The following DOK6 variants were observed in gnomAD, a reference collection of about 807,000 sequenced individuals.
DOK6 encodes the protein downstream of tyrosine kinase 6.
A neutral mutation model predicts 44.0 loss-of-function variants in DOK6; 22 were observed. That is an observed-to-expected ratio of 0.50 (90% CI 0.36 to 0.71). The LOEUF (loss-of-function observed/expected upper bound fraction) is 0.71. Ranked by LOEUF, DOK6 falls within the 30% of genes least tolerant of loss-of-function variation. The pLI is 0.00. For synonymous variants in DOK6, 166 were observed against 145.5 expected (o/e 1.14, Z -1.01); for missense variants, 340 against 416.4 (o/e 0.82, Z 1.60).
intron 1 of DOK6, among the ~76,000 whole-genome samples, chr18:69,549,051 G>C (rs568045689): frequency 6.7e-6 from 1 of 149,388 alleles, no homozygotes; most frequent in Non-Finnish European, 1.5e-5. Flanking sequence ...AGCCAAGATC[G>C]CGCCACTGCA....
intron 5 of DOK6, among the ~76,000 whole-genome samples, chr18:69,738,295 A>T (rs1045903717): frequency 6.6e-6 from 1 of 152,184 alleles, no homozygotes; most frequent in Non-Finnish European, 1.5e-5. Context: ...ACAGAAATCC[A>T]ATTAATATCC....
chr18:69,768,351 G>T (rs1979782945), intron 7 of DOK6, among the ~76,000 whole-genome samples: 1 of 152,016 alleles, frequency 6.6e-6, no homozygotes, highest in South Asian at 2.1e-4. Flanking sequence ...CAGAGAAAGA[G>T]AGGAGCATCT....
At chr18:69,726,070 C>T (rs1978305478) in intron 5 of DOK6, among the ~76,000 whole-genome samples, 1 of 152,056 alleles carries the variant, frequency 6.6e-6, no homozygotes, top group Admixed American at 6.6e-5. Flanking sequence ...AAAATGCAGT[C>T]GGTACACCCA....
intron 5 of DOK6, among the ~76,000 whole-genome samples, chr18:69,736,131 G>A (rs1978597048): frequency 1.3e-5 from 2 of 152,128 alleles, no homozygotes; most frequent in Non-Finnish European, 2.9e-5. Flanking sequence ...AGCCTCAGAA[G>A]CAATAGGCCA....
chr18:69,830,392 C>T (rs966415369), intron 7 of DOK6, among the ~76,000 whole-genome samples: 11 of 152,030 alleles, frequency 7.2e-5, no homozygotes, highest in African/African-American at 2.4e-4. Flanking sequence ...ATGGGTAGAA[C>T]CTCATCTGAT....
chr18:69,599,201 T>G (rs1267301999), intron 2 of DOK6, among the ~76,000 whole-genome samples, 183 bp from the exon 3 acceptor site: 4 of 152,168 alleles, frequency 2.6e-5, no homozygotes, highest in Non-Finnish European at 5.9e-5. Context: ...TGACCAAAGT[T>G]AAGGGCATAA....
intron 4 of DOK6, among the ~76,000 whole-genome samples, chr18:69,681,578 A>G (rs1986046213): frequency 6.6e-6 from 1 of 151,996 alleles, no homozygotes; most frequent in African/African-American, 2.4e-5. Flanking sequence ...ACAGAGGAAA[A>G]TGTGTTCTGA....
chr18:69,828,884 GTA>G (rs74175393), intron 7 of DOK6, among the ~76,000 whole-genome samples: 2,659 of 90,198 alleles, frequency 0.029, 257 homozygotes, highest in African/African-American at 0.077. Flanking sequence ...ACATTTATGT[GTA>G]TATATATATA....
chr18:69,478,494 C>A (rs8089613), intron 1 of DOK6, among the ~76,000 whole-genome samples: 67,573 of 151,544 alleles, frequency 0.45, 15,709 homozygotes, highest in Middle Eastern at 0.54. Flanking sequence ...TAATCTAAAA[C>A]AAATGGGAAA....
chr18:69,450,341 G>A (rs1424286844), intron 1 of DOK6, among the ~76,000 whole-genome samples: 3 of 50,118 alleles, frequency 6.0e-5, no homozygotes, highest in African/African-American at 8.5e-5. Flanking sequence ...GAAATGAAGC[G>A]AGAAGGGAAG....
intron 4 of DOK6, among the ~76,000 whole-genome samples, chr18:69,690,923 G>A (rs1470831674): frequency 6.6e-6 from 1 of 152,168 alleles, no homozygotes; most frequent in Non-Finnish European, 1.5e-5. Context: ...GCTCACACCT[G>A]TAATCCCAGC....
At chr18:69,640,549 G>A (rs990516105) in intron 3 of DOK6, among the ~76,000 whole-genome samples, 1 of 152,094 alleles carries the variant, frequency 6.6e-6, no homozygotes, top group Non-Finnish European at 1.5e-5. Flanking sequence ...GCTTGTAGCA[G>A]AAGCTTAAAC....
At chr18:69,434,011 C>T (rs1321740552) in intron 1 of DOK6, among the ~76,000 whole-genome samples, 2 of 152,160 alleles carry the variant, frequency 1.3e-5, no homozygotes, top group Non-Finnish European at 2.9e-5. Context: ...ATGATTTTTT[C>T]CACTAGGAAT....
At chr18:69,443,239 A>C (rs1599133380) in intron 1 of DOK6, among the ~76,000 whole-genome samples, 1 of 152,182 alleles carries the variant, frequency 6.6e-6, no homozygotes, top group African/African-American at 2.4e-5. Flanking sequence ...TAGTGTTTGA[A>C]TATGACATTT....
At chr18:69,563,261 G>A (rs562373100) in intron 1 of DOK6, among the ~76,000 whole-genome samples, 6 of 152,278 alleles carry the variant, frequency 3.9e-5, no homozygotes, top group African/African-American at 1.2e-4. Flanking sequence ...CAGGGATCTA[G>A]AACTAGAACT....
chr18:69,481,579 A>T (rs1205954651), intron 1 of DOK6, among the ~76,000 whole-genome samples: 2 of 152,188 alleles, frequency 1.3e-5, no homozygotes, highest in African/African-American at 4.8e-5. Context: ...TGCATAGTAT[A>T]CCATGGTGTA....
intron 4 of DOK6, among the ~76,000 whole-genome samples, chr18:69,687,818 A>T (rs1169503101): frequency 6.6e-6 from 1 of 152,184 alleles, no homozygotes; most frequent in African/African-American, 2.4e-5. Context: ...AAAGGCAAAG[A>T]TATCTTTCTC....
chr18:69,552,619 CTT>C (rs1982593306), intron 1 of DOK6, among the ~76,000 whole-genome samples: 1 of 152,180 alleles, frequency 6.6e-6, no homozygotes, highest in African/African-American at 2.4e-5. Context: ...TTCCCATTCT[CTT>C]TTAATTTTCT....
chr18:69,459,938 T>C (rs904950814), intron 1 of DOK6, among the ~76,000 whole-genome samples: 7 of 152,228 alleles, frequency 4.6e-5, no homozygotes, highest in Non-Finnish European at 8.8e-5. Context: ...AATATTACTT[T>C]TCCTATTTCT....
Sources: gnomAD v4.1 joint callset for allele counts (sites outside exome capture counted in the v4.1 genomes callset) on GRCh38, gnomAD v4.1.1 for gene constraint, MANE v1.5 for transcripts, NCBI Gene and HGNC (gene_info 2026-07-23, HGNC 2026-07-21) for gene names.